Variants in PCNX2 observed in about 807,000 individuals in gnomAD.
PCNX2 encodes the protein pecanex 2.
Under a neutral mutation model 223.8 loss-of-function variants are expected in PCNX2, and 168 were observed. That is an observed-to-expected ratio of 0.75 (90% confidence interval 0.66 to 0.85). The LOEUF (loss-of-function observed/expected upper bound fraction) is 0.85. Ranked by LOEUF, PCNX2 falls within the 40% of genes least tolerant of loss-of-function variation. The pLI is 0.00. For missense variants in PCNX2, 2,507 were observed against 2,675.5 expected, an observed-to-expected ratio of 0.94 and a Z score of 1.39; for synonymous variants, 1,006 against 1,052.6, an observed-to-expected ratio of 0.96 and a Z score of 0.86.
In PCNX2 at chr1:233,266,283, G is replaced by A. The variant is rs532131536; in HGVS notation, c.154-3120C>T. On this transcript the variant is annotated intron_variant, in intron 1 of 33. Coordinates refer to ENST00000258229, the MANE Select transcript of PCNX2 (RefSeq NM_014801.4). ...AGCTTCTCAAAAGGCTGAGGCAGGA[G>A]GATCTCTTGAGCCCAGGAGTTCAAG... 2.0e-5 allele frequency among the ~76,000 whole-genome samples: 3 copies of A among 152,274 alleles called. No homozygotes were observed. The East Asian group carries it at 5.8e-4, about 29-fold the overall frequency.
intron 21 of PCNX2, among the ~76,000 whole-genome samples, chr1:233,132,252 C>T (rs910434880): frequency 2.0e-5 from 3 of 151,988 alleles, no homozygotes; most frequent in South Asian, 2.1e-4. Flanking sequence ...CGTGAGACAC[C>T]GCACCTAGCC....
At chr1:233,063,879 T>C (rs1672494706) in intron 23 of PCNX2, among the ~76,000 whole-genome samples, 1 of 152,192 alleles carries the variant, frequency 6.6e-6, no homozygotes, top group Non-Finnish European at 1.5e-5. Context: ...GACTGCTTTC[T>C]AGTTTAGCTG....
chr1:233,293,543 C>A (rs1442967918), intron 1 of PCNX2, among the ~76,000 whole-genome samples: 1 of 152,150 alleles, frequency 6.6e-6, no homozygotes. Flanking sequence ...AATAGTCTAA[C>A]TACAGAATGC....
intron 1 of PCNX2, among the ~76,000 whole-genome samples, chr1:233,270,599 T>G (rs372372773): frequency 1.3e-5 from 2 of 152,198 alleles, no homozygotes; most frequent in East Asian, 1.9e-4. Context: ...TTCTCAAAAT[T>G]TAGCTCTATG....
intron 23 of PCNX2, among the ~76,000 whole-genome samples, chr1:233,086,454 G>A (rs1470869462): frequency 1.3e-5 from 2 of 151,860 alleles, no homozygotes; most frequent in Non-Finnish European, 2.9e-5. Context: ...TCAGGAGATC[G>A]AGACCATCCT....
intron 25 of PCNX2, among the ~76,000 whole-genome samples, chr1:233,026,343 A>G (rs1671080143): frequency 6.6e-6 from 1 of 152,346 alleles, no homozygotes; most frequent in South Asian, 2.1e-4. Flanking sequence ...AGTGGAGGGC[A>G]CAAGTGGGAA....
intron 1 of PCNX2, among the ~76,000 whole-genome samples, chr1:233,283,654 G>A (rs1280121252): frequency 1.3e-5 from 2 of 151,750 alleles, no homozygotes; most frequent in East Asian, 3.9e-4. Flanking sequence ...TGAATTTGTG[G>A]GACCACACTA....
At chr1:232,989,766 C>A (rs1279715118) in intron 32 of PCNX2, among the ~76,000 whole-genome samples, 2 of 152,196 alleles carry the variant, frequency 1.3e-5, no homozygotes, top group Non-Finnish European at 2.9e-5. Flanking sequence ...TCAGAAAGTT[C>A]GGGGTGGGTA....
chr1:233,316,521 CTCACAAGACCT>C, the PCNX2 span, among the ~76,000 whole-genome samples: 1 of 152,312 alleles, frequency 6.6e-6, no homozygotes, highest in East Asian at 1.9e-4. Context: ...AATTTACAAG[CTCACAAGACCT>C]TCAAAAAGAA....
At chr1:233,146,117 A>G (rs1324408785) in intron 19 of PCNX2, among the ~76,000 whole-genome samples, 2 of 152,252 alleles carry the variant, frequency 1.3e-5, no homozygotes, top group Non-Finnish European at 2.9e-5. Context: ...TCTAGCTTCA[A>G]CGCAAAGAAT....
chr1:233,004,872 G>A (rs1670225260), intron 28 of PCNX2, among the ~76,000 whole-genome samples: 1 of 152,198 alleles, frequency 6.6e-6, no homozygotes, highest in South Asian at 2.1e-4. Flanking sequence ...GGCTGGTCAG[G>A]TGGGGTTCGG....
rs143034443 is a variant in PCNX2, at chr1:233,049,926, C to A, written c.4351+4342G>T. On this transcript the variant is annotated intron_variant, in intron 25 of 33. Coordinates refer to ENST00000258229, the MANE Select transcript of PCNX2 (RefSeq NM_014801.4). ...ACATCTAACCAAAAAGGTAAAAGATCTCTACAAAGAGAACTACAAAAACAC... is the reference window on the plus strand; with the variant it reads ...ACATCTAACCAAAAAGGTAAAAGATATCTACAAAGAGAACTACAAAAACAC... Among the ~76,000 whole-genome samples the A allele has an allele frequency of 2.6e-5, 4 of 152,118 alleles. No individual in the cohort carries two copies. The East Asian group carries it at 7.7e-4, about 29-fold the overall frequency.
chr1:233,248,260 C>T (rs1464776052), intron 8 of PCNX2, among the ~76,000 whole-genome samples: 2 of 151,744 alleles, frequency 1.3e-5, no homozygotes, highest in Non-Finnish European at 2.9e-5. Flanking sequence ...AAACATCCCT[C>T]GGAGAGCCAG....
chr1:233,089,486 G>T (rs947843085), intron 23 of PCNX2, among the ~76,000 whole-genome samples: 1 of 152,194 alleles, frequency 6.6e-6, no homozygotes, highest in African/African-American at 2.4e-5. Flanking sequence ...CTTCCCGTAA[G>T]AATAACACTC....
rs71173259 is a variant in PCNX2 at position 233,225,110 on chromosome 1, TAAAAAAAAAA to T, written c.2504+2106_2504+2115del. On this transcript the variant is annotated intron_variant, in intron 10 of 33. Transcript: ENST00000258229. ...CTGCACATGTATCCCAGAACTAAAGTAAAAAAAAAAAAAAAAAAAAAAAAAAAATGTTATG... is the reference window on the plus strand; with the variant it reads ...CTGCACATGTATCCCAGAACTAAAGTAAAAAAAAAAAAAAAAAATGTTATG... Among the ~76,000 whole-genome samples, 8 of 42,226 alleles carry T rather than the reference TAAAAAAAAAA, an allele frequency of 1.9e-4. No individual in the cohort carries two copies. The East Asian group carries it at 1.9e-3, about 10-fold the overall frequency. The allele number at this position is 42,226 out of a possible 152,430, so 27.7% of individuals were successfully genotyped here. A position where few individuals can be genotyped will look rare whatever the true frequency, so the allele number is the denominator to read the frequency against.
intron 15 of PCNX2, among the ~76,000 whole-genome samples, chr1:233,194,232 A>G (rs1462939867): frequency 6.6e-6 from 1 of 152,186 alleles, no homozygotes; most frequent in Non-Finnish European, 1.5e-5. Context: ...ACAAGACAAA[A>G]GAAAACAGAA....
chr1:233,110,804 C>T (rs186365219), intron 21 of PCNX2, among the ~76,000 whole-genome samples: 260 of 150,144 alleles, frequency 1.7e-3, no homozygotes, highest in Admixed American at 3.3e-3. Context: ...ATTATTTAAA[C>T]GTAATATTAT....
At chr1:233,147,790 A>AT (rs57949363) in intron 19 of PCNX2, among the ~76,000 whole-genome samples, 53,287 of 152,012 alleles carry the variant, frequency 0.35, 9,497 homozygotes, top group East Asian at 0.47. Context: ...ACAATAACAC[A>AT]TATGGAGATG....
At chr1:233,060,295 C>T (rs942224285) in intron 23 of PCNX2, among the ~76,000 whole-genome samples, 1 of 152,206 alleles carries the variant, frequency 6.6e-6, no homozygotes, top group African/African-American at 2.4e-5. Flanking sequence ...ACCTTAAGAC[C>T]TACCACAAAT....
Sources: allele counts gnomAD v4.1 joint callset (sites outside exome capture counted in the v4.1 genomes callset), GRCh38; gene constraint gnomAD v4.1.1; transcripts MANE v1.5; gene names NCBI Gene and HGNC (gene_info 2026-07-23, HGNC 2026-07-21).